Variants in TBC1D2B observed in about 807,000 individuals in gnomAD.
The protein encoded by TBC1D2B is TBC1 domain family member 2B, also known as TBC1 domain family, member 2B.
TBC1D2B carries 64 observed loss-of-function variants against 100.8 expected under a neutral mutation model. That is an observed-to-expected ratio of 0.64 (90% CI 0.52 to 0.78). TBC1D2B has a LOEUF of 0.78. Among genes scored for constraint, TBC1D2B ranks in the 30% least tolerant of loss-of-function variants. The pLI, the probability that TBC1D2B is intolerant of heterozygous loss-of-function variation, is 0.00. For synonymous variants in TBC1D2B, 480 were observed against 479.7 expected (o/e 1.00, Z -0.01); for missense variants, 1,052 against 1,218.4 (o/e 0.86, Z 2.03).
chr15:78,003,544 A>C, intron 10 of TBC1D2B, 54 bp from the exon 11 acceptor site: 1 of 1,366,582 alleles, frequency 7.3e-7, no homozygotes, highest in Non-Finnish European at 1.0e-6. Context: ...TCACCGGGTA[A>C]GCAGACGAGC....
At chr15:78,003,000 C>T (rs972292580) in intron 11 of TBC1D2B, 2 of 257,498 alleles carry the variant, frequency 7.8e-6, no homozygotes, top group Non-Finnish European at 1.5e-5. Context: ...CCATCTCCTC[C>T]TCCATATGAT....
intron 1 of TBC1D2B, among the ~76,000 whole-genome samples, chr15:78,076,420 T>C (rs1251951102): frequency 3.3e-5 from 5 of 152,210 alleles, no homozygotes; most frequent in Admixed American, 6.5e-5. Flanking sequence ...TGTAGTGGAC[T>C]GTCTCTAAGG....
chr15:78,063,679 T>C (rs145858215), intron 1 of TBC1D2B, among the ~76,000 whole-genome samples: 97 of 152,190 alleles, frequency 6.4e-4, no homozygotes, highest in African/African-American at 2.1e-3. Flanking sequence ...TCTAAGGGTG[T>C]TTCTCAAAAA....
At chr15:78,006,066 GCA>G (rs2072059064) in intron 10 of TBC1D2B, among the ~76,000 whole-genome samples, 1 of 152,064 alleles carries the variant, frequency 6.6e-6, no homozygotes, top group South Asian at 2.1e-4. Flanking sequence ...GGAAACTGAG[GCA>G]CAGAGATGTT....
chr15:78,039,492 G>A (rs1220776384), intron 3 of TBC1D2B, among the ~76,000 whole-genome samples: 1 of 152,160 alleles, frequency 6.6e-6, no homozygotes, highest in South Asian at 2.1e-4. Context: ...AGGCAGGCCT[G>A]GAAGGATGAG....
At chr15:78,034,643 G>A in intron 3 of TBC1D2B, 1 of 985,348 alleles carries the variant, frequency 1.0e-6, no homozygotes. Flanking sequence ...GCGGTTTTGG[G>A]TTTCCAGCCT....
chr15:78,041,768 G>C (rs1484641028), intron 3 of TBC1D2B, among the ~76,000 whole-genome samples: 2 of 152,182 alleles, frequency 1.3e-5, no homozygotes, highest in African/African-American at 4.8e-5. Context: ...AGTGTCTACA[G>C]AAAGTGGTCC....
intron 1 of TBC1D2B, among the ~76,000 whole-genome samples, chr15:78,057,261 G>A (rs1000526918): frequency 6.6e-6 from 1 of 152,016 alleles, no homozygotes; most frequent in African/African-American, 2.4e-5. Context: ...TCATATTGTA[G>A]AAATTTGGTC....
intron 3 of TBC1D2B, among the ~76,000 whole-genome samples, chr15:78,033,975 A>G (rs1394626988): frequency 6.6e-6 from 1 of 152,258 alleles, no homozygotes; most frequent in East Asian, 1.9e-4. Context: ...TTTAACAAAG[A>G]GTCACCAGAA....
chr15:78,069,492 A>G (rs2073712493), intron 1 of TBC1D2B, among the ~76,000 whole-genome samples: 1 of 152,256 alleles, frequency 6.6e-6, no homozygotes, highest in African/African-American at 2.4e-5. Context: ...CAACACGATA[A>G]TCCTCTAACT....
chr15:78,052,739 C>T (rs187859744), intron 2 of TBC1D2B, among the ~76,000 whole-genome samples: 9 of 152,336 alleles, frequency 5.9e-5, no homozygotes, highest in Non-Finnish European at 8.8e-5. Context: ...ACTGGCTATG[C>T]TCATGAACCC....
chr15:78,071,188 G>A (rs985487993), intron 1 of TBC1D2B, among the ~76,000 whole-genome samples: 2 of 151,658 alleles, frequency 1.3e-5, no homozygotes, highest in Admixed American at 6.6e-5. Flanking sequence ...GGCTGGTCTC[G>A]AACTATTGGT....
intron 3 of TBC1D2B, among the ~76,000 whole-genome samples, chr15:78,042,496 T>C (rs1217491017): frequency 6.6e-6 from 1 of 152,222 alleles, no homozygotes; most frequent in African/African-American, 2.4e-5. Context: ...TCAGTGGTTT[T>C]CTGACACTTT....
rs1266851442 is a variant in TBC1D2B at position 78,077,236 on chromosome 15, C to T, written c.360+57G>A. On this transcript the variant is annotated intron_variant, in intron 1 of 12. Transcript: ENST00000300584. ...GAGGGTGGATGGCGCAAGCCAGTGG[C>T]GGAGGCAGGGGACGCCGGCGGAAGC... 4.3e-6 allele frequency: 6 copies of T among 1,403,786 alleles called. No homozygotes were observed. In the East Asian group the frequency reaches 1.5e-4, roughly 35 times the overall value. 87.0% of individuals were successfully genotyped at this position (1,403,786 alleles called of 1,614,324 possible). A position where few individuals can be genotyped will look rare whatever the true frequency, so the allele number is the denominator to read the frequency against.
At chr15:78,029,921 T>C in intron 4 of TBC1D2B, 86 bp downstream of exon 4, 1 of 1,155,418 alleles carries the variant, frequency 8.7e-7, no homozygotes, top group South Asian at 2.2e-5. Context: ...CTTCTCGAAA[T>C]ACCTGCTAAT....
chr15:77,997,075 G>A lies in TBC1D2B; in HGVS notation c.*1085C>T, dbSNP rs2071781375. 6.6e-6 allele frequency: 1 copy of A among 152,450 alleles called. No individual in the cohort carries two copies. Among genetic ancestry groups the A allele is most frequent in the Admixed American group, 6.5e-5 (1 of 15,290 alleles). The allele number at this position is 152,450 out of a possible 1,614,324, so 9.4% of individuals were successfully genotyped here. A position where few individuals can be genotyped will look rare whatever the true frequency, so the allele number is the denominator to read the frequency against. The stretch of plus-strand genomic sequence containing the variant: ...CACACATCTGGGAGAGCTCACCCAA[G>A]CCTGCCCCAAGCAAAAAAGTTTCCC... On this transcript the variant is annotated 3_prime_UTR_variant, in exon 13 of 13. Coordinates refer to ENST00000300584, the MANE Select transcript of TBC1D2B (RefSeq NM_144572.2).
intron 3 of TBC1D2B, among the ~76,000 whole-genome samples, chr15:78,037,106 G>C (rs910049631): frequency 1.3e-5 from 2 of 152,108 alleles, no homozygotes; most frequent in East Asian, 3.9e-4. Flanking sequence ...TCTTACTGTA[G>C]AACTTTCAGA....
chr15:78,054,390 AC>A (rs748878968), intron 1 of TBC1D2B, among the ~76,000 whole-genome samples: 15 of 152,372 alleles, frequency 9.8e-5, no homozygotes, highest in Non-Finnish European at 1.8e-4. Flanking sequence ...GAAGAACTGA[AC>A]CCAATTAACA....
intron 9 of TBC1D2B, 101 bp downstream of exon 9, chr15:78,012,722 G>T: frequency 7.8e-7 from 1 of 1,282,202 alleles, no homozygotes; most frequent in Non-Finnish European, 1.0e-6. Context: ...TTAAAATATT[G>T]ACTTTTCTTG....
Sources: gnomAD v4.1 joint callset for allele counts (sites outside exome capture counted in the v4.1 genomes callset) on GRCh38, gnomAD v4.1.1 for gene constraint, MANE v1.5 for transcripts, NCBI Gene and HGNC (gene_info 2026-07-23, HGNC 2026-07-21) for gene names.